INPP4A: variants seen among roughly 807,000 people sequenced by gnomAD.
The protein encoded by INPP4A is inositol polyphosphate-4-phosphatase, type I, 107kD.
Under a neutral mutation model 119.8 loss-of-function variants are expected in INPP4A, and 33 were observed. That is an observed-to-expected ratio of 0.28 (90% confidence interval 0.21 to 0.37). INPP4A has a LOEUF of 0.37. Among genes scored for constraint, INPP4A ranks in the 10% least tolerant of loss-of-function variants. The probability of loss-of-function intolerance (pLI) is 1.00; values close to 1 mark genes in which losing one functional copy is unlikely to be tolerated. For synonymous variants in INPP4A, 496 were observed against 500.7 expected, an observed-to-expected ratio of 0.99 and a Z score of 0.12; for missense variants, 956 against 1,289.9, an observed-to-expected ratio of 0.74 and a Z score of 3.97.
At chr2:98,525,412 A>G (rs996113919) in intron 4 of INPP4A, among the ~76,000 whole-genome samples, 20 of 152,208 alleles carry the variant, frequency 1.3e-4, no homozygotes, top group African/African-American at 4.6e-4. Flanking sequence ...ACTTAATCAC[A>G]TCTGTAAAGT....
chr2:98,528,719 A>G (rs1688631654), intron 4 of INPP4A, among the ~76,000 whole-genome samples: 1 of 152,182 alleles, frequency 6.6e-6, no homozygotes, highest in Admixed American at 6.6e-5. Context: ...CTCATCAGAA[A>G]CCATGGAGGT....
At chr2:98,455,838 C>T (rs1188664925) in intron 1 of INPP4A, among the ~76,000 whole-genome samples, 2 of 152,192 alleles carry the variant, frequency 1.3e-5, no homozygotes, top group Admixed American at 6.5e-5. Flanking sequence ...GAAGAAGAAA[C>T]ATAGTGTCAG....
intron 15 of INPP4A, among the ~76,000 whole-genome samples, chr2:98,555,192 G>A (rs891763507): frequency 6.6e-6 from 1 of 152,040 alleles, no homozygotes; most frequent in Non-Finnish European, 1.5e-5. Flanking sequence ...CTATCAAAAG[G>A]AGGCCTCCAT....
At chr2:98,531,731 C>A (rs886463535) in intron 4 of INPP4A, among the ~76,000 whole-genome samples, 35 of 152,242 alleles carry the variant, frequency 2.3e-4, no homozygotes, top group African/African-American at 7.9e-4. Context: ...GAGAACATTT[C>A]CTTCAAGAAG....
chr2:98,527,042 T>C (rs886912803), intron 4 of INPP4A, among the ~76,000 whole-genome samples: 1 of 152,162 alleles, frequency 6.6e-6, no homozygotes, highest in Non-Finnish European at 1.5e-5. Context: ...AGCATGAGAT[T>C]TGGAGGGGAC....
chr2:98,464,164 G>A (rs1674230421), intron 1 of INPP4A, among the ~76,000 whole-genome samples: 1 of 152,170 alleles, frequency 6.6e-6, no homozygotes, highest in Admixed American at 6.5e-5. Context: ...GAAGGGGACA[G>A]TCTTCAAATC....
At chr2:98,529,945 A>G (rs1380860005) in intron 4 of INPP4A, among the ~76,000 whole-genome samples, 4 of 152,162 alleles carry the variant, frequency 2.6e-5, no homozygotes, top group Non-Finnish European at 5.9e-5. Context: ...TAATGAAGAG[A>G]TATGACAGAT....
chr2:98,526,456 A>T (rs1464889032), intron 4 of INPP4A, among the ~76,000 whole-genome samples: 1 of 152,236 alleles, frequency 6.6e-6, no homozygotes, highest in African/African-American at 2.4e-5. Context: ...TCAGTTTATT[A>T]ATTTTAAACC....
In INPP4A at chr2:98,554,863, T is replaced by G. The variant is rs1014144758; in HGVS notation, c.1566+374T>G. Among the ~76,000 whole-genome samples the G allele has an allele frequency of 6.6e-6, 1 of 152,190 alleles. No homozygotes were observed. The highest frequency in any genetic ancestry group is 1.5e-5 in the Non-Finnish European group (1 of 68,032). The stretch of plus-strand genomic sequence containing the variant: ...TGCTGTTAGATTTTCCAGGGCTATG[T>G]GTATTTGGGGACGTGGGAGCTCTGG... On this transcript the variant is annotated intron_variant, in intron 15 of 24. Coordinates refer to ENST00000409851, the MANE Select transcript of INPP4A (RefSeq NM_001134225.2). The surrounding 1 kb of genome is among the most constrained non-coding windows in gnomAD (Gnocchi z 4.7).
chr2:98,577,785 T>C (rs1410913064), intron 24 of INPP4A, among the ~76,000 whole-genome samples: 3 of 152,176 alleles, frequency 2.0e-5, no homozygotes, highest in African/African-American at 7.2e-5. Flanking sequence ...TGTTGATCGA[T>C]GCCTTGTTTC....
At chr2:98,478,264 G>A (rs1339983682) in intron 1 of INPP4A, among the ~76,000 whole-genome samples, 1 of 152,202 alleles carries the variant, frequency 6.6e-6, no homozygotes, top group South Asian at 2.1e-4. Context: ...CCTCAGGCAG[G>A]CCCTGCTCTT....
chr2:98,522,017 G>T (rs548252307), intron 4 of INPP4A, among the ~76,000 whole-genome samples: 5 of 152,272 alleles, frequency 3.3e-5, no homozygotes, highest in South Asian at 4.1e-4. Context: ...GCCAGGCATG[G>T]TGGCTCAATC....
At chr2:98,481,982 G>A (rs1056664669) in intron 1 of INPP4A, among the ~76,000 whole-genome samples, 1 of 152,196 alleles carries the variant, frequency 6.6e-6, no homozygotes, top group African/African-American at 2.4e-5. Flanking sequence ...TCAACACTGT[G>A]TACTTTAAAA....
intron 4 of INPP4A, chr2:98,521,278 A>G (rs1314647046): frequency 6.6e-6 from 1 of 152,468 alleles, no homozygotes; most frequent in Non-Finnish European, 1.5e-5. Context: ...GATACGTGGC[A>G]TCACTGTGCT....
rs1049191480 is a variant in INPP4A at position 98,587,937 on chromosome 2, CTT to C, written c.*333_*334del. 3.3e-5 allele frequency: 8 copies of C among 245,264 alleles called. No homozygotes were observed. The highest frequency in any genetic ancestry group is 1.8e-4 in the African/African-American group (8 of 45,652). The allele number at this position is 245,264 out of a possible 1,614,324, so 15.2% of individuals were successfully genotyped here. On this transcript the variant is annotated 3_prime_UTR_variant, in exon 25 of 25. Coordinates refer to ENST00000409851, the MANE Select transcript of INPP4A (RefSeq NM_001134225.2). ...TAGGTTTGTCTGAAATGCTAGAAGA[CTT>C]TTTCAAATGCCTGCTTGCTCACTTA...
chr2:98,533,289 T>C lies in INPP4A; in HGVS notation c.152-88T>C, dbSNP rs1689596458. ...CATCTCTTTGAATGTCATTTACTCT[T>C]TGTGCTTTCTTTGAATGTGTTTGGA... On this transcript the variant is annotated intron_variant, in intron 4 of 24. Coordinates refer to ENST00000409851, the MANE Select transcript of INPP4A (RefSeq NM_001134225.2). 5.1e-6 allele frequency: 4 copies of C among 782,998 alleles called. No individual in the cohort carries two copies. In the African/African-American group the frequency reaches 6.7e-5, roughly 13 times the overall value. 48.5% of individuals were successfully genotyped at this position (782,998 alleles called of 1,614,324 possible). A position where few individuals can be genotyped will look rare whatever the true frequency, so the allele number is the denominator to read the frequency against.
intron 1 of INPP4A, among the ~76,000 whole-genome samples, chr2:98,495,699 C>T (rs1403784420): frequency 6.6e-6 from 1 of 152,128 alleles, no homozygotes; most frequent in Non-Finnish European, 1.5e-5. Context: ...ACCTGAAGAC[C>T]TGGAATCATA....
chr2:98,539,747 G>T, intron 10 of INPP4A, 72 bp downstream of exon 10: 1 of 1,474,272 alleles, frequency 6.8e-7, no homozygotes, highest in Admixed American at 2.2e-5. Context: ...GAGATATAGC[G>T]GGCAGAGCAC....
intron 16 of INPP4A, among the ~76,000 whole-genome samples, chr2:98,556,608 G>T (rs1694534287): frequency 6.6e-6 from 1 of 152,226 alleles, no homozygotes; most frequent in Non-Finnish European, 1.5e-5. Context: ...CCTCCTTTTT[G>T]TTCTCCTGTG....
Sources: allele counts gnomAD v4.1 joint callset (sites outside exome capture counted in the v4.1 genomes callset), GRCh38; gene constraint gnomAD v4.1.1; non-coding constraint Gnocchi (gnomAD v3.1); transcripts MANE v1.5; gene names NCBI Gene and HGNC (gene_info 2026-07-23, HGNC 2026-07-21).